The following SPRED2 variants were observed in gnomAD, a reference collection of about 807,000 sequenced individuals.
SPRED2 encodes sprouty related EVH1 domain containing 2, also known as sprouty-related, EVH1 domain-containing protein 2.
SPRED2 carries 47 observed loss-of-function variants against 43.0 expected under a neutral mutation model. That is an observed-to-expected ratio of 1.09 (90% CI 0.87 to 1.40). The LOEUF (loss-of-function observed/expected upper bound fraction) is 1.40. Ranked by LOEUF, SPRED2 falls within the 40% of genes most tolerant of loss-of-function variation. The probability of loss-of-function intolerance (pLI) is 0.00; values close to 1 mark genes in which losing one functional copy is unlikely to be tolerated. For synonymous variants in SPRED2, 225 were observed against 225.7 expected, an observed-to-expected ratio of 1.00 and a Z score of 0.03; for missense variants, 561 against 586.4, an observed-to-expected ratio of 0.96 and a Z score of 0.45.
At chr2:65,316,310 G>A (rs186770471) in intron 5 of SPRED2, among the ~76,000 whole-genome samples, 122 of 152,382 alleles carry the variant, frequency 8.0e-4, no homozygotes, top group Non-Finnish European at 1.5e-3. Context: ...AGTCCTGATT[G>A]TGGCTCTGGG....
chr2:65,344,579 G>T (rs1289402787), intron 2 of SPRED2, 140 bp downstream of exon 2: 3 of 1,161,972 alleles, frequency 2.6e-6, no homozygotes, highest in East Asian at 2.6e-5. Flanking sequence ...CAGCTCCGGG[G>T]TTCTAACTTT....
intron 2 of SPRED2, among the ~76,000 whole-genome samples, chr2:65,336,207 T>C (rs1037832812): frequency 2.0e-5 from 3 of 151,930 alleles, no homozygotes; most frequent in African/African-American, 4.8e-5. Context: ...ATACAAAAAT[T>C]AGCTGGGTGT....
intron 1 of SPRED2, among the ~76,000 whole-genome samples, chr2:65,426,502 G>A (rs999299172): frequency 6.6e-6 from 1 of 152,136 alleles, no homozygotes; most frequent in African/African-American, 2.4e-5. Flanking sequence ...ACTCAAATTC[G>A]GATGCAGAAT....
At chr2:65,401,937 G>GCACGCACACACACACA (rs1553426623) in intron 1 of SPRED2, among the ~76,000 whole-genome samples, 1 of 114,714 alleles carries the variant, frequency 8.7e-6, no homozygotes, top group Non-Finnish European at 1.9e-5. Context: ...GCGCGCGCGC[G>GCACGCACACACACACA]CACACACACA....
chr2:65,410,398 G>A (rs574357673), intron 1 of SPRED2, among the ~76,000 whole-genome samples: 1 of 152,240 alleles, frequency 6.6e-6, no homozygotes, highest in African/African-American at 2.4e-5. Context: ...ATACCTCTCA[G>A]GCAGAATCTC....
At chr2:65,340,101 C>T (rs1416887968) in intron 2 of SPRED2, among the ~76,000 whole-genome samples, 1 of 152,140 alleles carries the variant, frequency 6.6e-6, no homozygotes, top group Non-Finnish European at 1.5e-5. Context: ...CAGTTATTTG[C>T]CATAAAATGT....
intron 5 of SPRED2, among the ~76,000 whole-genome samples, chr2:65,314,626 G>C (rs1673184869): frequency 2.6e-5 from 4 of 152,182 alleles, no homozygotes; most frequent in Non-Finnish European, 5.9e-5. Context: ...GCCTGCATTA[G>C]TTTTGCCTAT....
chr2:65,373,002 A>C (rs1340207436), intron 1 of SPRED2, among the ~76,000 whole-genome samples: 1 of 152,242 alleles, frequency 6.6e-6, no homozygotes, highest in African/African-American at 2.4e-5. Flanking sequence ...AACCTTTCAC[A>C]TGGAAGCTAT....
intron 4 of SPRED2, among the ~76,000 whole-genome samples, chr2:65,318,251 G>GT (rs775938078): frequency 1.3e-5 from 2 of 152,134 alleles, no homozygotes; most frequent in Non-Finnish European, 2.9e-5. Flanking sequence ...ATGCGGAACT[G>GT]TAAGTCCAAT....
chr2:65,331,170 C>T (rs1673801698), intron 4 of SPRED2, among the ~76,000 whole-genome samples: 1 of 152,136 alleles, frequency 6.6e-6, no homozygotes, highest in East Asian at 1.9e-4. Flanking sequence ...AATCCCAGCA[C>T]TTTGAGAAGC....
chr2:65,360,151 C>G (rs999212849), intron 1 of SPRED2, among the ~76,000 whole-genome samples: 3 of 149,784 alleles, frequency 2.0e-5, no homozygotes, highest in African/African-American at 7.4e-5. Flanking sequence ...ACAGGACAAC[C>G]AAGTGGCTAC....
At chr2:65,382,595 T>C (rs1675398576) in intron 1 of SPRED2, among the ~76,000 whole-genome samples, 1 of 152,188 alleles carries the variant, frequency 6.6e-6, no homozygotes, top group African/African-American at 2.4e-5. Flanking sequence ...CAGTTTAAAA[T>C]TTTCTAGTAG....
intron 1 of SPRED2, among the ~76,000 whole-genome samples, chr2:65,380,211 G>C (rs1405228668): frequency 6.6e-6 from 1 of 152,150 alleles, no homozygotes; most frequent in African/African-American, 2.4e-5. Context: ...CTCTGTTACT[G>C]GTCCCATTTG....
At position 65,311,763 on chromosome 2, in the gene SPRED2, GTAT is replaced by G. The variant is rs1286229147; in HGVS notation, c.*1735_*1737del. The G allele has an allele frequency of 2.0e-6, 2 of 985,332 alleles. No homozygotes were observed. The highest frequency in any genetic ancestry group is 1.7e-5 in the African/African-American group (1 of 57,232). The allele number at this position is 985,332 out of a possible 1,614,324, so 61.0% of individuals were successfully genotyped here. ...ACTAACTGACTCATAAGCACACTGG[GTAT>G]TTACACCGGTAATCTACTAAAGAAA... On this transcript the variant is annotated 3_prime_UTR_variant, in exon 6 of 6. Transcript: ENST00000356388.
chr2:65,391,117 C>A (rs1675626431), intron 1 of SPRED2, among the ~76,000 whole-genome samples: 1 of 150,466 alleles, frequency 6.6e-6, no homozygotes, highest in African/African-American at 2.4e-5. Context: ...TACTGCCTGA[C>A]TACCACACAG....
chr2:65,389,622 C>T (rs1303248369), intron 1 of SPRED2, among the ~76,000 whole-genome samples: 1 of 152,244 alleles, frequency 6.6e-6, no homozygotes, highest in Admixed American at 6.5e-5. Flanking sequence ...GCTTCTACCT[C>T]ATGAGTGAGG....
rs546823005 is a variant in SPRED2 at position 65,386,575 on chromosome 2, G to C, written c.27-41679C>G. Among the ~76,000 whole-genome samples, 5 of 152,294 alleles carry C rather than the reference G, an allele frequency of 3.3e-5. No individual in the cohort carries two copies. In the South Asian group the frequency reaches 1.0e-3, roughly 32 times the overall value. ...TTCTGATTATGCAACACCCAGAACA[G>C]TGCTGCAAACTTAGTAAGCTCATAA... On this transcript the variant is annotated intron_variant, in intron 1 of 5. Coordinates refer to ENST00000356388, the MANE Select transcript of SPRED2 (RefSeq NM_181784.3).
chr2:65,308,994 T>C (rs1296576942), downstream of SPRED2, among the ~76,000 whole-genome samples: 1 of 151,784 alleles, frequency 6.6e-6, no homozygotes, highest in Non-Finnish European at 1.5e-5. Context: ...CTGTCTCTAC[T>C]AAAAATACAA....
intron 4 of SPRED2, among the ~76,000 whole-genome samples, chr2:65,328,066 T>C (rs1331578105): frequency 6.6e-6 from 1 of 152,132 alleles, no homozygotes; most frequent in Admixed American, 6.5e-5. Context: ...TCACTAAACT[T>C]TGTAGAAGTA....
Sources: gnomAD v4.1 joint callset for allele counts (sites outside exome capture counted in the v4.1 genomes callset) on GRCh38, gnomAD v4.1.1 for gene constraint, MANE v1.5 for transcripts, NCBI Gene and HGNC (gene_info 2026-07-23, HGNC 2026-07-21) for gene names.